The following ANKRD1 variants were observed in gnomAD, a reference collection of about 807,000 sequenced individuals.
ANKRD1 encodes ankyrin repeat domain 1.
In ANKRD1, 32 loss-of-function variants were observed where a neutral mutation model predicts 40.1. The observed-to-expected ratio is 0.80, with a 90% CI of 0.60 to 1.07. The LOEUF is 1.07. Ranked by LOEUF, ANKRD1 falls within the 50% of genes least tolerant of loss-of-function variation. The pLI, the probability that ANKRD1 is intolerant of heterozygous loss-of-function variation, is 0.00. For missense variants in ANKRD1, 359 were observed against 386.0 expected, an observed-to-expected ratio of 0.93 and a Z score of 0.59; for synonymous variants, 149 against 141.2, an observed-to-expected ratio of 1.06 and a Z score of -0.39.
At chr10:90,918,374 G>T (rs1013431838) in intron 4 of ANKRD1, among the ~76,000 whole-genome samples, 1 of 152,010 alleles carries the variant, frequency 6.6e-6, no homozygotes, top group Admixed American at 6.6e-5. Context: ...ACAACTTTAG[G>T]CGTTATTTCA....
chr10:90,920,498 A>C, intron 1 of ANKRD1, 150 bp from the exon 2 acceptor site: 1 of 820,724 alleles, frequency 1.2e-6, no homozygotes, highest in South Asian at 1.4e-5. Flanking sequence ...TGCGATGCAC[A>C]CTGCTACAAT....
intron 8 of ANKRD1, among the ~76,000 whole-genome samples, chr10:90,914,808 G>T (rs1357341167): frequency 1.4e-5 from 2 of 138,212 alleles, no homozygotes; most frequent in African/African-American, 5.5e-5. Flanking sequence ...GTTCCTCTGG[G>T]CAATATTTTT....
intron 4 of ANKRD1, among the ~76,000 whole-genome samples, chr10:90,918,204 A>G (rs774319005): frequency 1.2e-4 from 18 of 152,228 alleles, no homozygotes; most frequent in African/African-American, 3.9e-4. Flanking sequence ...TAGACTATCA[A>G]AAAGTTTCCA....
In ANKRD1 at chr10:90,919,235, G is replaced by C. The variant is rs1428027802; in HGVS notation, c.241C>G (p.Leu81Val). The change falls in exon 3 of 9, where the codon CTT (leucine) becomes GTT (valine). Residue 81 changes from leucine (L) to valine (V), a missense_variant. Transcript: ENST00000371697. ...KKKKLEQRSK[L>V]ENLEDLEIII... Reference sequence around the variant, plus strand: ...ATTTCAAGGTCTTCTAAATTTTCAAGCTTTGATCTTTGTTCTAGTTTTTTC... The same window carrying C: ...ATTTCAAGGTCTTCTAAATTTTCAACCTTTGATCTTTGTTCTAGTTTTTTC... 2 of 1,608,566 alleles carry C rather than the reference G, an allele frequency of 1.2e-6. No individual in the cohort carries two copies. The highest frequency in any genetic ancestry group is 1.7e-6 in the Non-Finnish European group (2 of 1,178,170).
chr10:90,915,634 T>C lies in ANKRD1; in HGVS notation c.758A>G (p.Asp253Gly), dbSNP rs1283493522. The change falls in exon 8 of 9, where the codon GAT becomes GGT. Residue 253 changes from aspartate to glycine, a missense_variant. Coordinates refer to ENST00000371697, the MANE Select transcript of ANKRD1 (RefSeq NM_014391.3). ...ADLNAKDREG[D>G]TPLHDAVRLN... ...TCTCACCGCATCATGCAACGGGGTA[T>C]CTCCTTCCTAGAGAAGCAGAGTCAA... The C allele has an allele frequency of 6.2e-7, 1 of 1,613,642 alleles. No individual in the cohort carries two copies. The highest frequency in any genetic ancestry group is 8.5e-7 in the Non-Finnish European group (1 of 1,179,888).
rs780993838 is a variant in ANKRD1, at chr10:90,917,746, C to T, written c.538G>A (p.Glu180Lys). ...EKLMEAGAQIEFRDMLESTAI... is the reference protein window; with the variant it reads ...EKLMEAGAQIKFRDMLESTAI... ...AATATATTTACCATATCACGGAATT[C>T]GATCTGGGCTCCAGCTTCCATTAAC... The change falls in exon 5 of 9, where the codon GAA becomes AAA. Residue 180 changes from glutamate to lysine, a missense_variant. Coordinates refer to ENST00000371697, the MANE Select transcript of ANKRD1 (RefSeq NM_014391.3). The T allele has an allele frequency of 1.9e-6, 3 of 1,613,858 alleles. No homozygotes were observed. Among genetic ancestry groups the T allele is most frequent in the South Asian group, 2.2e-5 (2 of 91,084 alleles).
Position 90,919,225 on chromosome 10 carries a change from A to G in ANKRD1, c.251T>C (p.Leu84Ser). The change falls in exon 3 of 9, where the codon TTA becomes TCA. Residue 84 changes from leucine to serine, a missense_variant. By Grantham distance (145) the Leu-to-Ser change is moderately radical. Coordinates refer to ENST00000371697, the MANE Select transcript of ANKRD1 (RefSeq NM_014391.3). ...KLEQRSKLEN[L>S]EDLEIIIQLK... Reference sequence around the variant, plus strand: ...TTGAATGATTATTTCAAGGTCTTCTAAATTTTCAAGCTTTGATCTTTGTTC... The same window carrying G: ...TTGAATGATTATTTCAAGGTCTTCTGAATTTTCAAGCTTTGATCTTTGTTC... 1 of 1,610,098 alleles carries G rather than the reference A, an allele frequency of 6.2e-7. No individual in the cohort carries two copies. Among genetic ancestry groups the G allele is most frequent in the Non-Finnish European group, 8.5e-7 (1 of 1,178,590 alleles).
intron 8 of ANKRD1, 92 bp downstream of exon 8, chr10:90,915,451 T>C: frequency 9.0e-7 from 1 of 1,115,460 alleles, no homozygotes; most frequent in Non-Finnish European, 1.3e-6. Context: ...ACCCCTCAAA[T>C]ACTGCCATTG....
chr10:90,914,730 C>CCT (rs887084721), intron 8 of ANKRD1, among the ~76,000 whole-genome samples: 6 of 120,638 alleles, frequency 5.0e-5, no homozygotes, highest in African/African-American at 7.1e-5. Flanking sequence ...TCCCCCCCCC[C>CCT]CCACTCTTTT....
chr10:90,920,870 C>G, intron 1 of ANKRD1, 131 bp downstream of exon 1: 1 of 850,078 alleles, frequency 1.2e-6, no homozygotes, highest in South Asian at 1.5e-5. Flanking sequence ...TTCATCACAT[C>G]AACCTTTTTC....
In ANKRD1 at chr10:90,912,367, A is replaced by T. The variant is rs1458267748; in HGVS notation, c.*499T>A. ...GCTGGCTTCACTGTCCTTTTCACAG[A>T]ATCACTTTCCTTCCATTGTTTCCTT... On this transcript the variant is annotated 3_prime_UTR_variant, in exon 9 of 9. Transcript: ENST00000371697. 1 of 154,018 alleles carries T rather than the reference A, an allele frequency of 6.5e-6. No homozygotes were observed. Among genetic ancestry groups the T allele is most frequent in the East Asian group, 1.9e-4 (1 of 5,264 alleles). The allele number at this position is 154,018 out of a possible 1,614,324, so 9.5% of individuals were successfully genotyped here.
At chr10:90,919,300 G>A (rs1564574817) in intron 2 of ANKRD1, 32 bp from the exon 3 acceptor site, 1 of 1,581,734 alleles carries the variant, frequency 6.3e-7, no homozygotes, top group African/African-American at 1.3e-5. Context: ...CAAAAATATG[G>A]TGAGTTCTAC....
In ANKRD1 at chr10:90,912,781, A is replaced by G. The variant is rs1847329158; in HGVS notation, c.*85T>C. ...CACAACACGTTGATAAATAGAAACT[A>G]GATTTTATGGCTAGTGTCTCTTCTC... is the stretch of plus-strand genomic sequence containing the variant. On this transcript the variant is annotated 3_prime_UTR_variant, in exon 9 of 9. Transcript: ENST00000371697. The G allele has an allele frequency of 1.6e-6, 2 of 1,247,934 alleles. No individual in the cohort carries two copies. The highest frequency in any genetic ancestry group is 2.4e-6 in the Non-Finnish European group (2 of 847,148). 77.3% of individuals were successfully genotyped at this position (1,247,934 alleles called of 1,614,324 possible).
At chr10:90,919,350 G>A in intron 2 of ANKRD1, 82 bp from the exon 3 acceptor site, 2 of 1,280,298 alleles carry the variant, frequency 1.6e-6, no homozygotes, top group African/African-American at 1.5e-5. Context: ...AATCTGCAAG[G>A]TCTGAGATAA....
At position 90,920,279 on chromosome 10, in the gene ANKRD1, A is replaced by T; in HGVS notation, c.97T>A (p.Tyr33Asn). 1 of 1,613,576 alleles carries T rather than the reference A, an allele frequency of 6.2e-7. No homozygotes were observed. Among genetic ancestry groups the T allele is most frequent in the Non-Finnish European group, 8.5e-7 (1 of 1,179,892 alleles). ...TTCTCTAAAGTAACAGCAGCTTCAT[A>T]CTCTCCATCTCTGAAATCCTCAGGA... ...FLPEDFRDGE[Y>N]EAAVTLEKQE... The change falls in exon 2 of 9, where the codon TAT becomes AAT. Residue 33 changes from tyrosine (Y) to asparagine (N), a missense_variant. Physicochemically the swap from Tyr to Asn is moderately radical, Grantham distance 143. Coordinates refer to ENST00000371697, the MANE Select transcript of ANKRD1 (RefSeq NM_014391.3).
chr10:90,918,768 T>C, intron 4 of ANKRD1, 97 bp downstream of exon 4: 1 of 1,019,384 alleles, frequency 9.8e-7, no homozygotes. Context: ...CTGTTTCAGG[T>C]GGAAGGACTT....
At chr10:90,918,327 C>T (rs1436136437) in intron 4 of ANKRD1, among the ~76,000 whole-genome samples, 1 of 152,106 alleles carries the variant, frequency 6.6e-6, no homozygotes, top group Non-Finnish European at 1.5e-5. Flanking sequence ...GATAAATTGG[C>T]TTTATTTGAA....
rs1847408135 is a variant in ANKRD1, at chr10:90,919,285, T to C, written c.208-17A>G. ...CTTTTTGAGCTAAAAAAGAAATTCG[T>C]ATTTCAAAAATATGGTGAGTTCTAC... On this transcript the variant is annotated splice_polypyrimidine_tract_variant and intron_variant, in intron 2 of 8. Transcript: ENST00000371697. The C allele has an allele frequency of 3.1e-6, 5 of 1,594,422 alleles. No individual in the cohort carries two copies. The Admixed American group carries it at 6.8e-5, about 22-fold the overall frequency.
At chr10:90,918,285 G>A (rs1043357602) in intron 4 of ANKRD1, among the ~76,000 whole-genome samples, 22 of 152,124 alleles carry the variant, frequency 1.4e-4, no homozygotes, top group Admixed American at 3.9e-4. Context: ...TCACTTCATG[G>A]GGGAAAGAAT....
Sources: gnomAD v4.1 joint callset for allele counts (sites outside exome capture counted in the v4.1 genomes callset) on GRCh38, gnomAD v4.1.1 for gene constraint, MANE v1.5 for transcripts, NCBI Gene and HGNC (gene_info 2026-07-23, HGNC 2026-07-21) for gene names.